The following ARHGEF10 variants were observed in gnomAD, a reference collection of about 807,000 sequenced individuals.
ARHGEF10 encodes the protein Rho guanine nucleotide exchange factor 10.
Under a neutral mutation model 147.4 loss-of-function variants are expected in ARHGEF10, and 140 were observed. That is an observed-to-expected ratio of 0.95 (90% CI 0.83 to 1.09). The LOEUF is 1.09. Ranked by LOEUF, ARHGEF10 falls within the 50% of genes least tolerant of loss-of-function variation. The pLI, the probability that ARHGEF10 is intolerant of heterozygous loss-of-function variation, is 0.00. For missense variants in ARHGEF10, 2,222 were observed against 1,752.7 expected (o/e 1.27, Z -4.78); for synonymous variants, 902 against 695.8 (o/e 1.30, Z -4.67).
At chr8:1,856,632 C>A (rs1805574606) in intron 2 of ARHGEF10, among the ~76,000 whole-genome samples, 1 of 152,208 alleles carries the variant, frequency 6.6e-6, no homozygotes. Flanking sequence ...CTGTGGGTTG[C>A]TCCCTAGCAG....
At chr8:1,933,430 T>C (rs902015975) in intron 25 of ARHGEF10, among the ~76,000 whole-genome samples, 1 of 152,122 alleles carries the variant, frequency 6.6e-6, no homozygotes, top group East Asian at 1.9e-4. Flanking sequence ...CATTATTTCA[T>C]TTTTAACTTT....
chr8:1,885,578 T>A, intron 10 of ARHGEF10, 23 bp from the exon 11 acceptor site: 1 of 1,501,514 alleles, frequency 6.7e-7, no homozygotes, highest in Non-Finnish European at 9.3e-7. Context: ...GTAAAATTCA[T>A]GCATTTTGAC....
Position 1,952,843 on chromosome 8 carries a change from A to G in ARHGEF10, c.3520+16A>G, listed in dbSNP as rs766614905. 4.3e-6 allele frequency: 7 copies of G among 1,613,740 alleles called. No homozygotes were observed. Among genetic ancestry groups the G allele is most frequent in the Non-Finnish European group, 5.1e-6 (6 of 1,180,048 alleles). On this transcript the variant is annotated intron_variant, in intron 28 of 28. Transcript: ENST00000349830. The stretch of plus-strand genomic sequence containing the variant: ...AAAGTGACCGGTGAGTGGCACCTGC[A>G]GTCTGAGTGGCTGCATCCTGTCTTG...
intron 11 of ARHGEF10, among the ~76,000 whole-genome samples, chr8:1,886,972 T>A (rs1188240468): frequency 1.3e-5 from 2 of 152,154 alleles, no homozygotes; most frequent in Non-Finnish European, 2.9e-5. Flanking sequence ...CTTTCTCCTG[T>A]GCATGCTGTC....
At chr8:1,871,816 G>GA (rs917265823) in intron 7 of ARHGEF10, among the ~76,000 whole-genome samples, 9 of 152,064 alleles carry the variant, frequency 5.9e-5, no homozygotes, top group South Asian at 2.1e-4. Context: ...GACTCCCTCT[G>GA]AAAAAACAAA....
At chr8:1,909,597 G>T (rs1477731315) in intron 18 of ARHGEF10, 127 bp downstream of exon 18, 6 of 1,281,470 alleles carry the variant, frequency 4.7e-6, no homozygotes, top group East Asian at 5.0e-5. Context: ...AGTCTGCAGA[G>T]GTGATCCAGT....
At position 1,859,912 on chromosome 8, in the gene ARHGEF10, C is replaced by G. The variant is rs762024871; in HGVS notation, c.209C>G (p.Ala70Gly). 1 of 1,614,130 alleles carries G rather than the reference C, an allele frequency of 6.2e-7. No homozygotes were observed. The highest frequency in any genetic ancestry group is 1.7e-5 in the Admixed American group (1 of 60,030). ...GCATCCCCAGGAGGTGAGGATGGAG[C>G]TGGAGCAGAAACCACCCCAGTGGCA... is the stretch of plus-strand genomic sequence containing the variant. ...APAPTGGEDG[A>G]GAETTPVAEP... Residue 70 changes from alanine to glycine, a missense_variant, in exon 4 of 29, where the codon GCT (alanine) becomes GGT (glycine). Physicochemically the swap from Ala to Gly is moderately conservative, Grantham distance 60. Transcript: ENST00000349830.
chr8:1,924,879 ATAGCAT>A (rs1812567222), intron 21 of ARHGEF10, among the ~76,000 whole-genome samples: 1 of 152,226 alleles, frequency 6.6e-6, no homozygotes, highest in African/African-American at 2.4e-5. Context: ...TGTTTATCCC[ATAGCAT>A]TATACCATGT....
At chr8:1,876,983 A>G (rs1022712955) in intron 8 of ARHGEF10, among the ~76,000 whole-genome samples, 7 of 152,226 alleles carry the variant, frequency 4.6e-5, no homozygotes, top group Admixed American at 2.0e-4. Context: ...TGAGCTCACC[A>G]CCTTGAATAA....
At chr8:1,952,492 G>A (rs1200860521) in intron 27 of ARHGEF10, among the ~76,000 whole-genome samples, 1 of 152,242 alleles carries the variant, frequency 6.6e-6, no homozygotes, top group Non-Finnish European at 1.5e-5. Flanking sequence ...GTTCTGTTCA[G>A]GTGCAGGTGC....
intron 18 of ARHGEF10, among the ~76,000 whole-genome samples, chr8:1,913,971 G>A (rs1811568210): frequency 6.6e-6 from 1 of 152,156 alleles, no homozygotes; most frequent in South Asian, 2.1e-4. Flanking sequence ...CCAGGCAAAC[G>A]CGGAAAGGGT....
Position 1,901,633 on chromosome 8 carries a change from G to A in ARHGEF10, c.1651-1648G>A, listed in dbSNP as rs576261624. Among the ~76,000 whole-genome samples, 20 of 152,346 alleles carry A rather than the reference G, an allele frequency of 1.3e-4. No homozygotes were observed. In the South Asian group the frequency reaches 2.5e-3, roughly 19 times the overall value. Reference sequence around the variant, plus strand: ...AGCCTCCTTGGGTGGCTGCCAGCCCGGCGGATGCCCCCGGCTGTGCTCAGT... The same window carrying A: ...AGCCTCCTTGGGTGGCTGCCAGCCCAGCGGATGCCCCCGGCTGTGCTCAGT... On this transcript the variant is annotated intron_variant, in intron 15 of 28. Coordinates refer to ENST00000349830, the MANE Select transcript of ARHGEF10 (RefSeq NM_014629.4).
intron 26 of ARHGEF10, 145 bp downstream of exon 26, chr8:1,934,087 C>T (rs1166563778): frequency 9.1e-7 from 1 of 1,094,872 alleles, no homozygotes; most frequent in Non-Finnish European, 1.3e-6. Flanking sequence ...GTAATGCCAA[C>T]ACTCTGGGAG....
At chr8:1,837,225 G>A (rs1803637976) in intron 1 of ARHGEF10, among the ~76,000 whole-genome samples, 1 of 152,248 alleles carries the variant, frequency 6.6e-6, no homozygotes, top group South Asian at 2.1e-4. Flanking sequence ...GCTTCCCAGA[G>A]CCAGGGGCTG....
intron 12 of ARHGEF10, 39 bp from the exon 13 acceptor site, chr8:1,894,354 A>G: frequency 6.2e-7 from 1 of 1,612,746 alleles, no homozygotes; most frequent in Non-Finnish European, 8.5e-7. Flanking sequence ...AGGCTCTGAA[A>G]AAGAAAAGTC....
chr8:1,854,690 G>C (rs1805415514), intron 2 of ARHGEF10, among the ~76,000 whole-genome samples: 1 of 151,912 alleles, frequency 6.6e-6, no homozygotes, highest in South Asian at 2.1e-4. Context: ...TTGTATAGTA[G>C]AATTCTACTT....
intron 4 of ARHGEF10, among the ~76,000 whole-genome samples, chr8:1,862,380 G>A (rs1048202275): frequency 2.0e-5 from 3 of 152,260 alleles, no homozygotes; most frequent in South Asian, 2.1e-4. Context: ...CCTGCCTACC[G>A]AAACCAGCTC....
At chr8:1,935,573 C>T (rs897535078) in intron 26 of ARHGEF10, among the ~76,000 whole-genome samples, 5 of 152,164 alleles carry the variant, frequency 3.3e-5, no homozygotes, top group African/African-American at 9.7e-5. Flanking sequence ...CTCAGGACCG[C>T]GGGGTCTTAG....
chr8:1,925,363 G>C lies in ARHGEF10; in HGVS notation c.2569G>C (p.Gly857Arg). 1 of 1,614,176 alleles carries C rather than the reference G, an allele frequency of 6.2e-7. No individual in the cohort carries two copies. The highest frequency in any genetic ancestry group is 8.5e-7 in the Non-Finnish European group (1 of 1,180,042). Residue 857 changes from glycine (G) to arginine (R), a missense_variant, in exon 22 of 29, where the codon GGA (glycine) becomes CGA (arginine). Coordinates refer to ENST00000349830, the MANE Select transcript of ARHGEF10 (RefSeq NM_014629.4). The part of the protein sequence containing the change: ...IKKEKHPLLV[G>R]HMPVMVAKQQ... ...AAAGGAGAAGCATCCTCTCCTCGTC[G>C]GACACATGCCCGTGATGGTGGCCAA...
Sources: gnomAD v4.1 joint callset for allele counts (sites outside exome capture counted in the v4.1 genomes callset) on GRCh38, gnomAD v4.1.1 for gene constraint, MANE v1.5 for transcripts, NCBI Gene and HGNC (gene_info 2026-07-23, HGNC 2026-07-21) for gene names.